Variants in MINAR2 observed in about 807,000 individuals in gnomAD.
The protein encoded by MINAR2 is membrane integral NOTCH2 associated receptor 2.
A neutral mutation model predicts 16.1 loss-of-function variants in MINAR2; 21 were observed. The ratio of observed to expected loss-of-function variants is 1.31; its 90% CI spans 0.93 to 1.88. The LOEUF is 1.88. MINAR2 is among the 40% of genes most tolerant of loss of function. The pLI is 0.00. For synonymous variants in MINAR2, 86 were observed against 83.0 expected (o/e 1.04, Z -0.20); for missense variants, 259 against 229.8 (o/e 1.13, Z -0.82).
At chr5:129,756,891 A>C (rs904185133) in intron 1 of MINAR2, among the ~76,000 whole-genome samples, 10 of 137,210 alleles carry the variant, frequency 7.3e-5, no homozygotes, top group African/African-American at 2.7e-4. Flanking sequence ...GTCAAGCTTG[A>C]GTTTCATTAG....
At chr5:129,752,790 T>A (rs1323501794) in intron 1 of MINAR2, among the ~76,000 whole-genome samples, 1 of 149,394 alleles carries the variant, frequency 6.7e-6, no homozygotes. Flanking sequence ...TTTTTTTTTT[T>A]CCATTTATTG....
At position 129,765,032 on chromosome 5, in the gene MINAR2, C is replaced by A; in HGVS notation, c.542C>A (p.Thr181Asn). Residue 181 changes from threonine to asparagine, a missense_variant, in exon 3 of 3, where the codon ACC becomes AAC. Transcript: ENST00000564719. ...ILLVVISILV[T>N]IVTIITFFT Reference sequence around the variant, plus strand: ...CTTGTCGTTATCTCCATCTTGGTTACCATAGTGACTATCATTACTTTTTTC... The same window carrying A: ...CTTGTCGTTATCTCCATCTTGGTTAACATAGTGACTATCATTACTTTTTTC... 2 of 1,316,284 alleles carry A rather than the reference C, an allele frequency of 1.5e-6. No individual in the cohort carries two copies. The highest frequency in any genetic ancestry group is 1.9e-6 in the Non-Finnish European group (2 of 1,030,088). The allele number at this position is 1,316,284 out of a possible 1,614,324, so 81.5% of individuals were successfully genotyped here. A position where few individuals can be genotyped will look rare whatever the true frequency, so the allele number is the denominator to read the frequency against.
chr5:129,761,875 A>G (rs915077415), intron 2 of MINAR2, among the ~76,000 whole-genome samples: 3 of 152,144 alleles, frequency 2.0e-5, no homozygotes, highest in Non-Finnish European at 2.9e-5. Context: ...CTAACAGACA[A>G]TAACTATAGA....
chr5:129,763,494 A>G (rs1027458661), intron 2 of MINAR2, among the ~76,000 whole-genome samples: 3 of 152,208 alleles, frequency 2.0e-5, no homozygotes, highest in Admixed American at 1.3e-4. Flanking sequence ...ATGTTTAATT[A>G]CAAAGGAAAG....
Position 129,765,061 on chromosome 5 carries a change from T to C in MINAR2, c.571T>C (p.Ter191ArgextTer27). 1 of 1,278,712 alleles carries C rather than the reference T, an allele frequency of 7.8e-7. No individual in the cohort carries two copies. Among genetic ancestry groups the C allele is most frequent in the Non-Finnish European group, 9.9e-7 (1 of 1,009,740 alleles). The allele number at this position is 1,278,712 out of a possible 1,614,324, so 79.2% of individuals were successfully genotyped here. Residue 191 changes from the stop codon to arginine, a stop_lost, in exon 3 of 3, where the codon TGA becomes CGA. Coordinates refer to ENST00000564719, the MANE Select transcript of MINAR2 (RefSeq NM_001257308.2). ...AGTGACTATCATTACTTTTTTCACCTGAGGAAACTGCAACAATCAGAGCTA... is the reference window on the plus strand; with the variant it reads ...AGTGACTATCATTACTTTTTTCACCCGAGGAAACTGCAACAATCAGAGCTA... ...TIVTIITFFT[*>R]
chr5:129,763,218 G>A (rs561775964), intron 2 of MINAR2, among the ~76,000 whole-genome samples: 1 of 152,132 alleles, frequency 6.6e-6, no homozygotes, highest in Non-Finnish European at 1.5e-5. Context: ...TCTGAGGCCT[G>A]TTTTACAGGT....
At chr5:129,750,190 C>G (rs1235664454) in intron 1 of MINAR2, among the ~76,000 whole-genome samples, 1 of 152,188 alleles carries the variant, frequency 6.6e-6, no homozygotes, top group East Asian at 1.9e-4. Flanking sequence ...TTAACTAATT[C>G]TCTTTTGGGG....
chr5:129,757,484 C>A, intron 1 of MINAR2, among the ~76,000 whole-genome samples: 1 of 151,914 alleles, frequency 6.6e-6, no homozygotes. Context: ...GAAATCTGAT[C>A]TGACAATCTC....
intron 1 of MINAR2, among the ~76,000 whole-genome samples, chr5:129,752,749 T>G (rs1758000799): frequency 6.6e-6 from 1 of 151,308 alleles, no homozygotes; most frequent in Admixed American, 6.6e-5. Context: ...TTTAAAAAAA[T>G]TCAAATGGCA....
intron 1 of MINAR2, among the ~76,000 whole-genome samples, chr5:129,755,909 C>T (rs915697989): frequency 6.6e-6 from 1 of 151,488 alleles, no homozygotes; most frequent in Non-Finnish European, 1.5e-5. Context: ...TGCTTAATAC[C>T]TTATTAATTT....
At position 129,765,229 on chromosome 5, in the gene MINAR2, C is replaced by T. The variant is rs540789219; in HGVS notation, c.*166C>T. Reference sequence around the variant, plus strand: ...TGTCCTGAAGAATGTGAATGTCAGGCGTGGTATGCTGGCTTCTCCACTTTG... The same window carrying T: ...TGTCCTGAAGAATGTGAATGTCAGGTGTGGTATGCTGGCTTCTCCACTTTG... On this transcript the variant is annotated 3_prime_UTR_variant, in exon 3 of 3. Transcript: ENST00000564719. 2.1e-5 allele frequency: 9 copies of T among 427,264 alleles called. No individual in the cohort carries two copies. Among genetic ancestry groups the T allele is most frequent in the Non-Finnish European group, 3.2e-5 (8 of 253,538 alleles). 26.5% of individuals were successfully genotyped at this position (427,264 alleles called of 1,614,324 possible). A position where few individuals can be genotyped will look rare whatever the true frequency, so the allele number is the denominator to read the frequency against.
In MINAR2 at chr5:129,763,575, A is replaced by T. The variant is rs571106180; in HGVS notation, c.394-1309A>T. 4.6e-5 allele frequency among the ~76,000 whole-genome samples: 7 copies of T among 152,358 alleles called. No homozygotes were observed. The East Asian group carries it at 1.2e-3, about 25-fold the overall frequency. On this transcript the variant is annotated intron_variant, in intron 2 of 2. Coordinates refer to ENST00000564719, the MANE Select transcript of MINAR2 (RefSeq NM_001257308.2). ...AGTGGAGAACAGAGGCATTAAACTTACAGAGTGCAGGCCTCTGATGATAGG... is the reference window on the plus strand; with the variant it reads ...AGTGGAGAACAGAGGCATTAAACTTTCAGAGTGCAGGCCTCTGATGATAGG...
rs367990017 is a variant in MINAR2, at chr5:129,753,260, G to A, written c.165+4905G>A. On this transcript the variant is annotated intron_variant, in intron 1 of 2. Coordinates refer to ENST00000564719, the MANE Select transcript of MINAR2 (RefSeq NM_001257308.2). ...GCACTTTGGGAGGCTGAGGCGGGCA[G>A]ATCACTTGAGGCCAGGAGTTCAAGG... Among the ~76,000 whole-genome samples, 35 of 151,996 alleles carry A rather than the reference G, an allele frequency of 2.3e-4. No homozygotes were observed. The East Asian group carries it at 4.9e-3, about 21-fold the overall frequency.
intron 1 of MINAR2, among the ~76,000 whole-genome samples, chr5:129,749,758 T>A (rs1757963780): frequency 6.6e-6 from 1 of 152,202 alleles, no homozygotes; most frequent in Non-Finnish European, 1.5e-5. Context: ...ATCTAACATC[T>A]TTTGTTTGGT....
intron 1 of MINAR2, among the ~76,000 whole-genome samples, chr5:129,759,672 G>A (rs11746636): frequency 0.063 from 9,518 of 152,112 alleles, 445 homozygotes; most frequent in South Asian, 0.13. Context: ...AGCATGAGGT[G>A]TGCTACTAAT....
At chr5:129,758,672 C>G (rs1561685056) in intron 1 of MINAR2, among the ~76,000 whole-genome samples, 1 of 151,816 alleles carries the variant, frequency 6.6e-6, no homozygotes, top group Non-Finnish European at 1.5e-5. Flanking sequence ...AGAAGACAAT[C>G]TGACAAAGCC....
chr5:129,757,260 A>G (rs1402214094), intron 1 of MINAR2, among the ~76,000 whole-genome samples: 2 of 151,982 alleles, frequency 1.3e-5, no homozygotes, highest in African/African-American at 4.8e-5. Flanking sequence ...TGTGGCCCCA[A>G]TATAAAATCA....
rs1255184846 is a variant in MINAR2 at position 129,766,651 on chromosome 5, AAAAAACAAACAAACAAAC to A, written c.*1594_*1611del. ...GACTTCCATAAAAAAAAAAAAAAAA[AAAAAACAAACAAACAAAC>A]AAAAAAAACCCCAAAAAAAGAGACA... On this transcript the variant is annotated 3_prime_UTR_variant, in exon 3 of 3. Coordinates refer to ENST00000564719, the MANE Select transcript of MINAR2 (RefSeq NM_001257308.2). 1.4e-4 allele frequency: 21 copies of A among 147,764 alleles called. No individual in the cohort carries two copies. Among genetic ancestry groups the A allele is most frequent in the African/African-American group, 5.3e-4 (21 of 39,294 alleles). The allele number at this position is 147,764 out of a possible 1,614,324, so 9.2% of individuals were successfully genotyped here.
intron 1 of MINAR2, among the ~76,000 whole-genome samples, chr5:129,760,166 G>A (rs1369315028): frequency 6.6e-6 from 1 of 152,122 alleles, no homozygotes; most frequent in African/African-American, 2.4e-5. Flanking sequence ...TGAATGATTA[G>A]TAAAGCTGTT....
Sources: gnomAD v4.1 joint callset for allele counts (sites outside exome capture counted in the v4.1 genomes callset) on GRCh38, gnomAD v4.1.1 for gene constraint, MANE v1.5 for transcripts, NCBI Gene and HGNC (gene_info 2026-07-23, HGNC 2026-07-21) for gene names.